SLC35H1: variants seen among roughly 807,000 people sequenced by gnomAD.
The protein encoded by SLC35H1 is ovarian cancer-overexpressed gene 1 protein.
chr20:46,350,422 T>C, the SLC35H1 span: 1 of 1,613,164 alleles, frequency 6.2e-7, no homozygotes, highest in Non-Finnish European at 8.5e-7. Context: ...CACAAAGTAC[T>C]CCTCCTCCTC....
chr20:46,351,013 T>A, the SLC35H1 span: 1 of 1,298,160 alleles, frequency 7.7e-7, no homozygotes, highest in South Asian at 1.4e-5. Flanking sequence ...ACTGAAATCC[T>A]GGGCCCAGGC....
chr20:46,363,322 T>G, the SLC35H1 span: 192 of 152,330 alleles, frequency 1.3e-3, no homozygotes, highest in African/African-American at 4.4e-3. Flanking sequence ...TGCCAATGAT[T>G]TCTAAATTCT....
chr20:46,360,829 G>A, the SLC35H1 span, among the ~76,000 whole-genome samples: 1 of 152,200 alleles, frequency 6.6e-6, no homozygotes, highest in Non-Finnish European at 1.5e-5. Context: ...GATTACAGGC[G>A]TGAGCCACCG....
the SLC35H1 span, chr20:46,348,271 C>G: frequency 6.6e-6 from 1 of 152,202 alleles, no homozygotes; most frequent in Non-Finnish European, 1.5e-5. Flanking sequence ...TAAGGGCCCC[C>G]GCTCTGCACC....
At chr20:46,357,132 G>A in the SLC35H1 span, among the ~76,000 whole-genome samples, 10 of 152,182 alleles carry the variant, frequency 6.6e-5, no homozygotes, top group African/African-American at 2.2e-4. Context: ...CTCGGGCCAC[G>A]AGGGCCCCTC....
the SLC35H1 span, chr20:46,355,215 G>A: frequency 1.2e-6 from 2 of 1,613,820 alleles, no homozygotes; most frequent in East Asian, 2.2e-5. The surrounding 1 kb of genome is among the most constrained non-coding windows in gnomAD (Gnocchi z 4.8). Context: ...CGGCGATGAG[G>A]AGGACCACCA....
the SLC35H1 span, among the ~76,000 whole-genome samples, chr20:46,353,759 T>C: frequency 6.6e-6 from 1 of 152,006 alleles, no homozygotes; most frequent in Non-Finnish European, 1.5e-5. Flanking sequence ...GATGAGGTTT[T>C]GCAGAGATGG....
the SLC35H1 span, chr20:46,352,193 CG>C: frequency 6.2e-7 from 1 of 1,614,162 alleles, no homozygotes; most frequent in East Asian, 2.2e-5. Flanking sequence ...GTCCTGGAAA[CG>C]GAAGATTTTC....
chr20:46,357,622 C>T, the SLC35H1 span: 1 of 1,612,910 alleles, frequency 6.2e-7, no homozygotes, highest in South Asian at 1.1e-5. Context: ...CCCCCACCTA[C>T]CTGTGGGAGC....
At chr20:46,352,136 AT>A in the SLC35H1 span, 1 of 1,614,214 alleles carries the variant, frequency 6.2e-7, no homozygotes, top group Non-Finnish European at 8.5e-7. Flanking sequence ...AAAGGCGAGA[AT>A]CCCGCCAAGG....
At chr20:46,358,865 C>T in the SLC35H1 span, 1 of 765,526 alleles carries the variant, frequency 1.3e-6, no homozygotes, top group Non-Finnish European at 2.2e-6. Context: ...TCTGGAGGGG[C>T]TGCCCACAAC....
the SLC35H1 span, chr20:46,351,014 G>C: frequency 3.1e-6 from 4 of 1,299,644 alleles, no homozygotes; most frequent in Non-Finnish European, 4.3e-6. Context: ...CTGAAATCCT[G>C]GGCCCAGGCA....
the SLC35H1 span, chr20:46,350,207 C>G: frequency 1.8e-6 from 1 of 566,272 alleles, no homozygotes; most frequent in South Asian, 3.3e-5. Flanking sequence ...TGGCCTGGTG[C>G]TCGCCCCTTG....
chr20:46,353,786 A>G, the SLC35H1 span, among the ~76,000 whole-genome samples: 21 of 152,026 alleles, frequency 1.4e-4, no homozygotes, highest in Non-Finnish European at 2.2e-4. Context: ...GTGTAAACAC[A>G]CGGGAGGGGA....
the SLC35H1 span, chr20:46,347,710 G>GA: frequency 1.3e-5 from 2 of 152,194 alleles, no homozygotes; most frequent in African/African-American, 4.8e-5. Context: ...ACAATCCCTT[G>GA]AGCCCTCAAG....
the SLC35H1 span, chr20:46,357,547 G>T: frequency 6.6e-7 from 1 of 1,516,054 alleles, no homozygotes; most frequent in East Asian, 2.3e-5. Context: ...CAGACATGCG[G>T]GTGTCTCTCT....
At chr20:46,359,250 T>C in the SLC35H1 span, among the ~76,000 whole-genome samples, 1 of 152,214 alleles carries the variant, frequency 6.6e-6, no homozygotes, top group Non-Finnish European at 1.5e-5. Flanking sequence ...AGGTCACTTC[T>C]TCAGGGAACC....
chr20:46,356,604 T>G, the SLC35H1 span: 13 of 1,613,990 alleles, frequency 8.1e-6, no homozygotes, highest in African/African-American at 9.3e-5. Context: ...GAAGCTCCAG[T>G]TGGACAAGCC....
the SLC35H1 span, chr20:46,358,783 G>T: frequency 1.4e-6 from 2 of 1,403,318 alleles, no homozygotes; most frequent in Non-Finnish European, 9.8e-7. Flanking sequence ...AAAAAGGGCC[G>T]CTCTGGAGCC....
Sources: gnomAD v4.1 joint callset for allele counts (sites outside exome capture counted in the v4.1 genomes callset) on GRCh38, gnomAD v4.1.1 for gene constraint, Gnocchi (gnomAD v3.1) non-coding constraint, MANE v1.5 for transcripts, NCBI Gene and HGNC (gene_info 2026-07-23, HGNC 2026-07-21) for gene names.